Variants in SLC7A10 observed in about 807,000 individuals in gnomAD.
SLC7A10 encodes asc-type amino acid transporter 1.
A neutral mutation model predicts 52.7 loss-of-function variants in SLC7A10; 30 were observed. The ratio of observed to expected loss-of-function variants is 0.57; its 90% confidence interval spans 0.43 to 0.77. SLC7A10 has a LOEUF of 0.77. SLC7A10 is among the 30% of genes least tolerant of loss of function. SLC7A10 has a pLI of 0.00. For synonymous variants in SLC7A10, 318 were observed against 314.9 expected, an observed-to-expected ratio of 1.01 and a Z score of -0.10; for missense variants, 581 against 698.5, an observed-to-expected ratio of 0.83 and a Z score of 1.90.
intron 1 of SLC7A10, chr19:33,221,275 C>T (rs1974805909): frequency 6.6e-6 from 1 of 152,210 alleles, no homozygotes; most frequent in Non-Finnish European, 1.5e-5. Context: ...CTTAACAATA[C>T]ACACATTCAG....
Position 33,210,966 on chromosome 19 carries a change from T to A in SLC7A10, c.1017-68A>T. The A allele has an allele frequency of 6.7e-7, 1 of 1,485,608 alleles. No homozygotes were observed. Among genetic ancestry groups the A allele is most frequent in the Non-Finnish European group, 9.4e-7 (1 of 1,067,984 alleles). 92.0% of individuals were successfully genotyped at this position (1,485,608 alleles called of 1,614,324 possible). A position where few individuals can be genotyped will look rare whatever the true frequency, so the allele number is the denominator to read the frequency against. On this transcript the variant is annotated intron_variant, in intron 7 of 10. Transcript: ENST00000253188. This position sits in a 1 kb window ranked among gnomAD's most constrained non-coding sequence, Gnocchi z 5.6. ...CTCAGCTTTGGACCTGATGTCCCTCTTAAGCTGTCGCCTCTGACCTCCTGC... is the reference window on the plus strand; with the variant it reads ...CTCAGCTTTGGACCTGATGTCCCTCATAAGCTGTCGCCTCTGACCTCCTGC...
intron 1 of SLC7A10, chr19:33,219,955 A>G (rs1285257229): frequency 6.6e-6 from 1 of 152,266 alleles, no homozygotes; most frequent in East Asian, 1.9e-4. Flanking sequence ...ACGCACTGCC[A>G]TCTGCCTTGG....
At chr19:33,221,414 T>G (rs922523677) in intron 1 of SLC7A10, among the ~76,000 whole-genome samples, 1 of 152,220 alleles carries the variant, frequency 6.6e-6, no homozygotes, top group Non-Finnish European at 1.5e-5. Flanking sequence ...AATAAATGGA[T>G]GAGTGTGCCC....
chr19:33,212,169 A>G, intron 5 of SLC7A10, 123 bp downstream of exon 5: 1 of 1,408,856 alleles, frequency 7.1e-7, no homozygotes, highest in Non-Finnish European at 9.8e-7. Flanking sequence ...TTTGCAGGGC[A>G]ACAGGCGTGG....
Position 33,212,539 on chromosome 19 carries a change from G to T in SLC7A10, c.609C>A (p.Gly203=). Residue 203 remains glycine (G), a synonymous_variant, in exon 4 of 11, where the codon GGC becomes GGA. Coordinates refer to ENST00000253188, the MANE Select transcript of SLC7A10 (RefSeq NM_019849.3). ...GKLLALSLII[G]VGLLQIFQGH... Reference sequence around the variant, plus strand: ...CTTGGAAGATCTGGAGAAGGCCCACGCCGATGATGAGGGACAAGGCCAGCA... The same window carrying T: ...CTTGGAAGATCTGGAGAAGGCCCACTCCGATGATGAGGGACAAGGCCAGCA... 1 of 1,614,032 alleles carries T rather than the reference G, an allele frequency of 6.2e-7. No individual in the cohort carries two copies. The highest frequency in any genetic ancestry group is 8.5e-7 in the Non-Finnish European group (1 of 1,180,040).
Position 33,208,784 on chromosome 19 carries a change from T to C in SLC7A10, c.*107A>G, listed in dbSNP as rs770921092. The stretch of plus-strand genomic sequence containing the variant: ...AAACAGGCTTCTGAGAGTCGTATCT[T>C]TTTTCTTTTTTTTCCAGAAAAAAAC... On this transcript the variant is annotated 3_prime_UTR_variant, in exon 11 of 11. Transcript: ENST00000253188. This position sits in a 1 kb window ranked among gnomAD's most constrained non-coding sequence, Gnocchi z 4.7. 3.9e-5 allele frequency: 58 copies of C among 1,498,874 alleles called. No homozygotes were observed. Among genetic ancestry groups the C allele is most frequent in the Non-Finnish European group, 5.0e-5 (55 of 1,090,510 alleles). The allele number at this position is 1,498,874 out of a possible 1,614,324, so 92.8% of individuals were successfully genotyped here.
chr19:33,215,645 T>A, intron 2 of SLC7A10, 124 bp downstream of exon 2: 4 of 549,152 alleles, frequency 7.3e-6, no homozygotes, highest in Non-Finnish European at 9.6e-6. Context: ...CCACACCTTC[T>A]CTCCATCCAC....
At position 33,212,539 on chromosome 19, in the gene SLC7A10, G is replaced by A. The variant is rs776103005; in HGVS notation, c.609C>T (p.Gly203=). The A allele has an allele frequency of 1.2e-6, 2 of 1,614,032 alleles. No homozygotes were observed. The highest frequency in any genetic ancestry group is 1.1e-5 in the South Asian group (1 of 91,090). The change falls in exon 4 of 11, where the codon GGC becomes GGT. Residue 203 remains glycine (G), a synonymous_variant. Transcript: ENST00000253188. ...GKLLALSLII[G]VGLLQIFQGH... ...CTTGGAAGATCTGGAGAAGGCCCAC[G>A]CCGATGATGAGGGACAAGGCCAGCA...
At position 33,208,903 on chromosome 19, in the gene SLC7A10, C is replaced by T. The variant is rs775763528; in HGVS notation, c.1560G>A (p.Ser520=). Residue 520 remains serine (S), a synonymous_variant, in exon 11 of 11, where the codon TCG becomes TCA. Transcript: ENST00000253188. The surrounding 1 kb of genome is among the most constrained non-coding windows in gnomAD (Gnocchi z 4.7). ...PSLLPATDKP[S]KPQ ...CTCTACAAAAATCTCATTGTGGCTT[C>T]GAGGGCTTGTCTGTGGCAGGCAGCA... 11 of 1,428,742 alleles carry T rather than the reference C, an allele frequency of 7.7e-6. No homozygotes were observed. Among genetic ancestry groups the T allele is most frequent in the South Asian group, 3.4e-5 (3 of 88,120 alleles). The allele number at this position is 1,428,742 out of a possible 1,614,324, so 88.5% of individuals were successfully genotyped here.
chr19:33,208,782 C>CT lies in SLC7A10; in HGVS notation c.*108dup. On this transcript the variant is annotated 3_prime_UTR_variant, in exon 11 of 11. Transcript: ENST00000253188. The surrounding 1 kb of genome is among the most constrained non-coding windows in gnomAD (Gnocchi z 4.7). Reference sequence around the variant, plus strand: ...TTAAACAGGCTTCTGAGAGTCGTATCTTTTTTCTTTTTTTTCCAGAAAAAA... The same window carrying CT: ...TTAAACAGGCTTCTGAGAGTCGTATCTTTTTTTCTTTTTTTTCCAGAAAAAA... The CT allele has an allele frequency of 1.4e-6, 2 of 1,478,592 alleles. No individual in the cohort carries two copies. The highest frequency in any genetic ancestry group is 1.9e-6 in the Non-Finnish European group (2 of 1,073,902). The allele number at this position is 1,478,592 out of a possible 1,614,324, so 91.6% of individuals were successfully genotyped here.
In SLC7A10 at chr19:33,210,799, T is replaced by C. The variant is rs1974530066; in HGVS notation, c.1113+3A>G. On this transcript the variant is annotated splice_donor_region_variant and intron_variant, in intron 8 of 10. Coordinates refer to ENST00000253188, the MANE Select transcript of SLC7A10 (RefSeq NM_019849.3). The surrounding 1 kb of genome is among the most constrained non-coding windows in gnomAD (Gnocchi z 5.6). ...CCTGCCTGGCCCAGGTCCCCCAACT[T>C]ACACAGACGAGGAGGGCGGGGATGG... 3 of 1,613,236 alleles carry C rather than the reference T, an allele frequency of 1.9e-6. No individual in the cohort carries two copies. The highest frequency in any genetic ancestry group is 2.5e-6 in the Non-Finnish European group (3 of 1,179,970).
chr19:33,210,994 C>T lies in SLC7A10; in HGVS notation c.1017-96G>A, dbSNP rs574555801. 2.2e-4 allele frequency: 271 copies of T among 1,236,694 alleles called. No homozygotes were observed. The African/African-American group carries it at 2.5e-3, about 11-fold the overall frequency. The allele number at this position is 1,236,694 out of a possible 1,614,324, so 76.6% of individuals were successfully genotyped here. A position where few individuals can be genotyped will look rare whatever the true frequency, so the allele number is the denominator to read the frequency against. ...AGCTGTCGCCTCTGACCTCCTGCTC[C>T]GGGCCCAGCAGCCCCACTGGACAGT... On this transcript the variant is annotated intron_variant, in intron 7 of 10. Coordinates refer to ENST00000253188, the MANE Select transcript of SLC7A10 (RefSeq NM_019849.3). This position sits in a 1 kb window ranked among gnomAD's most constrained non-coding sequence, Gnocchi z 5.6.
chr19:33,213,399 C>T (rs1450523181), intron 2 of SLC7A10, among the ~76,000 whole-genome samples: 1 of 151,746 alleles, frequency 6.6e-6, no homozygotes, highest in Non-Finnish European at 1.5e-5. Flanking sequence ...TGCCATTCTT[C>T]TGCCTCAGTC....
At chr19:33,225,309 C>T (rs1434004092) in intron 1 of SLC7A10, among the ~76,000 whole-genome samples, 2 of 152,234 alleles carry the variant, frequency 1.3e-5, no homozygotes, top group African/African-American at 4.8e-5. Flanking sequence ...GAGGAAGAGT[C>T]CAGCGGTGGA....
chr19:33,225,371 G>A (rs1974899227), intron 1 of SLC7A10, among the ~76,000 whole-genome samples, 182 bp downstream of exon 1: 5 of 152,240 alleles, frequency 3.3e-5, no homozygotes, highest in East Asian at 1.9e-4. Context: ...GGAACACGGA[G>A]CTTTGGCACC....
chr19:33,212,264 C>T, intron 5 of SLC7A10, 28 bp downstream of exon 5: 9 of 1,580,540 alleles, frequency 5.7e-6, no homozygotes, highest in Non-Finnish European at 6.9e-6. Context: ...TGGCTGCTTC[C>T]CAGGGCCCAG....
chr19:33,213,078 C>G, intron 2 of SLC7A10, 76 bp from the exon 3 acceptor site: 1 of 1,544,048 alleles, frequency 6.5e-7, no homozygotes, highest in Non-Finnish European at 8.7e-7. Flanking sequence ...ATGTGTGCAG[C>G]AGGGCTGCCC....
At position 33,208,833 on chromosome 19, in the gene SLC7A10, C is replaced by T. The variant is rs1974466322; in HGVS notation, c.*58G>A. The T allele has an allele frequency of 2.5e-6, 4 of 1,598,788 alleles. No homozygotes were observed. The highest frequency in any genetic ancestry group is 3.4e-6 in the Non-Finnish European group (4 of 1,172,112). ...ACAAAACAAAACTTTTTTGCCAAAA[C>T]ACCTCCTCAATAAACAACATGTAAA... is the stretch of plus-strand genomic sequence containing the variant. On this transcript the variant is annotated 3_prime_UTR_variant, in exon 11 of 11. Transcript: ENST00000253188. The surrounding 1 kb of genome is among the most constrained non-coding windows in gnomAD (Gnocchi z 4.7).
In SLC7A10 at chr19:33,211,480, G is replaced by A; in HGVS notation, c.846C>T (p.Phe282=). The A allele has an allele frequency of 1.9e-6, 3 of 1,614,130 alleles. No homozygotes were observed. Among genetic ancestry groups the A allele is most frequent in the Non-Finnish European group, 1.7e-6 (2 of 1,180,028 alleles). The change falls in exon 6 of 11, where the codon TTC becomes TTT. Residue 282 remains phenylalanine (F), a synonymous_variant. Transcript: ENST00000253188. The part of the protein sequence containing the change: ...SIPLVTFVYT[F]TNIAYFTAMS... ...TGGCCGTGAAGTAGGCAATGTTGGT[G>A]AACGTGTACACGAAGGTCACCAGTG...
Sources: allele counts gnomAD v4.1 joint callset (sites outside exome capture counted in the v4.1 genomes callset), GRCh38; gene constraint gnomAD v4.1.1; non-coding constraint Gnocchi (gnomAD v3.1); transcripts MANE v1.5; gene names NCBI Gene and HGNC (gene_info 2026-07-23, HGNC 2026-07-21).